Variants in NEGR1 observed in about 807,000 individuals in gnomAD.
NEGR1 encodes the protein neuronal growth regulator 1.
In NEGR1, 10 loss-of-function variants were observed where a neutral mutation model predicts 40.9. The ratio of observed to expected loss-of-function variants is 0.24; its 90% CI spans 0.15 to 0.42. NEGR1 has a LOEUF of 0.42. NEGR1 is among the 10% of genes least tolerant of loss of function. The pLI, the probability that NEGR1 is intolerant of heterozygous loss-of-function variation, is 1.00. For missense variants in NEGR1, 352 were observed against 438.9 expected (o/e 0.80, Z 1.77); for synonymous variants, 185 against 166.8 (o/e 1.11, Z -0.84).
chr1:71,605,164 T>C (rs1386284565), intron 5 of NEGR1, among the ~76,000 whole-genome samples: 1 of 152,170 alleles, frequency 6.6e-6, no homozygotes, highest in Non-Finnish European at 1.5e-5. Flanking sequence ...TAAAATACTA[T>C]TTTTAAAATC....
At position 72,156,336 on chromosome 1, in the gene NEGR1, G is replaced by T. The variant is rs560716527; in HGVS notation, c.176+125983C>A. 2.0e-5 allele frequency among the ~76,000 whole-genome samples: 3 copies of T among 152,124 alleles called. No homozygotes were observed. In the South Asian group the frequency reaches 6.2e-4, roughly 32 times the overall value. ...ATTTTGGGGCTTGGGAGTCAACAAG[G>T]CTACCAGCTCCATTTCACAAGGTTT... On this transcript the variant is annotated intron_variant, in intron 1 of 6. Coordinates refer to ENST00000357731, the MANE Select transcript of NEGR1 (RefSeq NM_173808.3).
intron 2 of NEGR1, among the ~76,000 whole-genome samples, chr1:71,816,367 A>G (rs1658211957): frequency 6.6e-6 from 1 of 152,070 alleles, no homozygotes; most frequent in Non-Finnish European, 1.5e-5. Context: ...TGAAGAAATA[A>G]CTGAGACTGA....
chr1:71,806,234 A>G (rs1657766349), intron 2 of NEGR1, among the ~76,000 whole-genome samples: 1 of 151,910 alleles, frequency 6.6e-6, no homozygotes, highest in Admixed American at 6.6e-5. Context: ...TAAATTTTTT[A>G]AGAAAATATA....
At chr1:71,950,259 T>G (rs887710182) in intron 1 of NEGR1, among the ~76,000 whole-genome samples, 2 of 152,026 alleles carry the variant, frequency 1.3e-5, no homozygotes, top group African/African-American at 4.8e-5. Flanking sequence ...GTTCTTACAT[T>G]TACCTGCATT....
intron 2 of NEGR1, among the ~76,000 whole-genome samples, chr1:71,925,341 G>A (rs1645762752): frequency 6.6e-6 from 1 of 152,186 alleles, no homozygotes; most frequent in Admixed American, 6.5e-5. Context: ...TGACAACTTA[G>A]TGCAGGTGCA....
intron 1 of NEGR1, among the ~76,000 whole-genome samples, chr1:72,080,503 T>C (rs1396311542): frequency 6.6e-6 from 1 of 152,104 alleles, no homozygotes; most frequent in Non-Finnish European, 1.5e-5. Flanking sequence ...TTGATAAGAA[T>C]TTCATATTTA....
intron 1 of NEGR1, among the ~76,000 whole-genome samples, chr1:72,252,891 GT>G (rs909707007): frequency 2.6e-5 from 4 of 152,154 alleles, no homozygotes; most frequent in African/African-American, 9.7e-5. Context: ...AATTTTCGAA[GT>G]TTAGAAAGCA....
At chr1:71,776,016 A>C (rs1656493816) in intron 3 of NEGR1, among the ~76,000 whole-genome samples, 156 bp downstream of exon 3, 1 of 150,958 alleles carries the variant, frequency 6.6e-6, no homozygotes, top group Non-Finnish European at 1.5e-5. Context: ...TAAATAAATA[A>C]ATAAATAAAT....
intron 6 of NEGR1, among the ~76,000 whole-genome samples, chr1:71,557,123 A>G (rs555516606): frequency 2.9e-4 from 44 of 151,762 alleles, no homozygotes; most frequent in African/African-American, 1.1e-3. Flanking sequence ...GATAGTCTGT[A>G]GTTAAAGATT....
intron 2 of NEGR1, among the ~76,000 whole-genome samples, chr1:71,821,858 T>C (rs772366125): frequency 3.9e-5 from 6 of 151,942 alleles, no homozygotes; most frequent in Non-Finnish European, 7.4e-5. Context: ...AGATGAAGCA[T>C]GAGTGGGACA....
chr1:71,874,815 T>A (rs1306346566), intron 2 of NEGR1, among the ~76,000 whole-genome samples: 1 of 152,100 alleles, frequency 6.6e-6, no homozygotes, highest in Admixed American at 6.6e-5. Context: ...TGAGGAAACT[T>A]TTCGGTTTCC....
chr1:71,637,008 T>G (rs1651176519), intron 4 of NEGR1, among the ~76,000 whole-genome samples: 1 of 152,086 alleles, frequency 6.6e-6, no homozygotes, highest in Admixed American at 6.6e-5. Context: ...ATTTATTGTG[T>G]AAAATTTATG....
intron 6 of NEGR1, among the ~76,000 whole-genome samples, chr1:71,419,143 C>T (rs574488649): frequency 4.6e-5 from 7 of 152,136 alleles, no homozygotes; most frequent in Non-Finnish European, 7.4e-5. Context: ...TTCCCTTCTT[C>T]CCTATTTTAT....
intron 6 of NEGR1, among the ~76,000 whole-genome samples, chr1:71,425,943 G>C (rs1032507496): frequency 3.9e-5 from 6 of 152,140 alleles, no homozygotes; most frequent in African/African-American, 1.4e-4. Flanking sequence ...CTTTGGTTTA[G>C]CACAACCTCT....
chr1:72,266,861 T>G (rs1295141337), intron 1 of NEGR1, among the ~76,000 whole-genome samples: 2 of 150,170 alleles, frequency 1.3e-5, no homozygotes, highest in East Asian at 3.9e-4. Flanking sequence ...AATCAATTGA[T>G]GAGGAGGAAA....
intron 1 of NEGR1, among the ~76,000 whole-genome samples, chr1:71,961,146 G>A (rs1011869631): frequency 6.6e-6 from 1 of 152,054 alleles, no homozygotes; most frequent in Non-Finnish European, 1.5e-5. Flanking sequence ...TCACTATTAA[G>A]TTGCCAACTT....
intron 1 of NEGR1, among the ~76,000 whole-genome samples, chr1:72,135,416 CA>C (rs1557544356): frequency 1.6e-4 from 6 of 37,342 alleles, no homozygotes; most frequent in Admixed American, 3.9e-4. Context: ...AAAAAAAAAA[CA>C]AAACCAAAAA....
Position 71,507,783 on chromosome 1 carries a change from T to C in NEGR1, c.940+85034A>G, listed in dbSNP as rs115003952. On this transcript the variant is annotated intron_variant, in intron 6 of 6. Coordinates refer to ENST00000357731, the MANE Select transcript of NEGR1 (RefSeq NM_173808.3). ...GGGTGTTAAGGGGAATTATAAAAGG[T>C]TTACAAATTAGATGGAATTATCACA... Among the ~76,000 whole-genome samples, 853 of 152,192 alleles carry C rather than the reference T, an allele frequency of 5.6e-3. 11 individuals carry two copies. The highest frequency in any genetic ancestry group is 0.02 in the African/African-American group (815 of 41,532).
chr1:72,215,018 C>T (rs1159179812), intron 1 of NEGR1, among the ~76,000 whole-genome samples: 13 of 151,910 alleles, frequency 8.6e-5, no homozygotes, highest in Admixed American at 7.9e-4. Flanking sequence ...AAAACAGATA[C>T]AGAGACCAAT....
Sources: gnomAD v4.1 joint callset for allele counts (sites outside exome capture counted in the v4.1 genomes callset) on GRCh38, gnomAD v4.1.1 for gene constraint, MANE v1.5 for transcripts, NCBI Gene and HGNC (gene_info 2026-07-23, HGNC 2026-07-21) for gene names.